The following QTMAN variants were observed in gnomAD, a reference collection of about 807,000 sequenced individuals.
QTMAN encodes the protein tRNA-queuosine alpha-mannosyltransferase.
chr2:143,964,307 T>A, the QTMAN span, among the ~76,000 whole-genome samples: 5 of 152,018 alleles, frequency 3.3e-5, no homozygotes, highest in South Asian at 8.3e-4. Context: ...ATAAAAAAAT[T>A]ATAAGGAAAA....
chr2:144,055,863 T>A, the QTMAN span, among the ~76,000 whole-genome samples: 5 of 152,142 alleles, frequency 3.3e-5, no homozygotes, highest in Non-Finnish European at 5.9e-5. Context: ...ATGAAGTTCA[T>A]CAAGCGGCAA....
the QTMAN span, among the ~76,000 whole-genome samples, chr2:144,022,961 CATTTTTTATGGTCT>C: frequency 6.6e-6 from 1 of 152,100 alleles, no homozygotes; most frequent in South Asian, 2.1e-4. Flanking sequence ...AAAAAATATG[CATTTTTTATGGTCT>C]ATTTTTTATT....
At chr2:144,160,799 T>C in the QTMAN span, among the ~76,000 whole-genome samples, 8 of 152,152 alleles carry the variant, frequency 5.3e-5, no homozygotes, top group African/African-American at 1.9e-4. Context: ...GCTCTCAGAC[T>C]AATTTAAGGC....
chr2:143,953,537 G>C, the QTMAN span, among the ~76,000 whole-genome samples: 1 of 151,842 alleles, frequency 6.6e-6, no homozygotes, highest in Non-Finnish European at 1.5e-5. Context: ...CACTTTGTGA[G>C]AGGATTTCCC....
chr2:144,233,627 C>CT, the QTMAN span, among the ~76,000 whole-genome samples: 1 of 152,138 alleles, frequency 6.6e-6, no homozygotes. Context: ...TTGTGCTAGA[C>CT]TCGCTCAATT....
At chr2:144,100,413 A>G in the QTMAN span, among the ~76,000 whole-genome samples, 1 of 152,228 alleles carries the variant, frequency 6.6e-6, no homozygotes, top group African/African-American at 2.4e-5. Flanking sequence ...ACAGTAAATT[A>G]AGTAACACTA....
the QTMAN span, among the ~76,000 whole-genome samples, chr2:144,025,757 G>C: frequency 1.3e-4 from 20 of 152,170 alleles, 1 homozygote; most frequent in South Asian, 3.1e-3. Context: ...TGACACCTAA[G>C]AGAGGCCCTC....
the QTMAN span, chr2:144,141,826 T>C: frequency 5.3e-6 from 7 of 1,309,858 alleles, no homozygotes; most frequent in Middle Eastern, 1.9e-4. Flanking sequence ...TCAATTTTTA[T>C]ACATTTGAGG....
At chr2:144,220,866 G>C in the QTMAN span, among the ~76,000 whole-genome samples, 1 of 152,180 alleles carries the variant, frequency 6.6e-6, no homozygotes, top group African/African-American at 2.4e-5. Context: ...TAGAATTGAA[G>C]TATCCTATTA....
the QTMAN span, among the ~76,000 whole-genome samples, chr2:144,056,790 G>A: frequency 5.3e-5 from 8 of 152,312 alleles, no homozygotes; most frequent in South Asian, 2.1e-4. Context: ...AAGGAGCTCC[G>A]TGAACCTGGC....
the QTMAN span, among the ~76,000 whole-genome samples, chr2:144,080,031 T>C: frequency 6.6e-6 from 1 of 152,120 alleles, no homozygotes; most frequent in African/African-American, 2.4e-5. Context: ...ATGATGTCAT[T>C]CTTACATTCC....
the QTMAN span, among the ~76,000 whole-genome samples, chr2:144,150,142 G>A: frequency 2.0e-5 from 3 of 152,014 alleles, no homozygotes; most frequent in Admixed American, 6.6e-5. Context: ...ATTTAACACA[G>A]ACACCAGTTT....
At chr2:144,015,690 C>T in the QTMAN span, among the ~76,000 whole-genome samples, 2 of 152,284 alleles carry the variant, frequency 1.3e-5, no homozygotes, top group South Asian at 4.1e-4. Context: ...TCAGGTACCA[C>T]AGTAAGCCTG....
chr2:143,958,192 A>T, the QTMAN span, among the ~76,000 whole-genome samples: 1 of 152,172 alleles, frequency 6.6e-6, no homozygotes, highest in Non-Finnish European at 1.5e-5. Context: ...AATCTGAAAT[A>T]AATATTTCAT....
chr2:144,209,111 G>A, the QTMAN span, among the ~76,000 whole-genome samples: 33 of 152,296 alleles, frequency 2.2e-4, no homozygotes, highest in Non-Finnish European at 3.2e-4. Context: ...CTCACCTGCT[G>A]TGATCACTCA....
chr2:144,312,171 G>C, the QTMAN span, among the ~76,000 whole-genome samples: 1 of 151,390 alleles, frequency 6.6e-6, no homozygotes, highest in Non-Finnish European at 1.5e-5. Context: ...CCTATTGTGG[G>C]AGTTACATTC....
chr2:144,175,703 A>G, the QTMAN span, among the ~76,000 whole-genome samples: 1 of 152,062 alleles, frequency 6.6e-6, no homozygotes, highest in South Asian at 2.1e-4. Context: ...TTGCTCTGTC[A>G]TCCATGCTGG....
the QTMAN span, among the ~76,000 whole-genome samples, chr2:144,046,823 T>G: frequency 6.6e-6 from 1 of 152,228 alleles, no homozygotes; most frequent in Non-Finnish European, 1.5e-5. Context: ...ATATTTAATA[T>G]TTATTTCATT....
At chr2:144,143,408 G>A in the QTMAN span, among the ~76,000 whole-genome samples, 97 of 152,002 alleles carry the variant, frequency 6.4e-4, no homozygotes, top group African/African-American at 2.1e-3. Flanking sequence ...GTAGCCAAAC[G>A]TCAGTTTAGT....
Sources: gnomAD v4.1 joint callset for allele counts (sites outside exome capture counted in the v4.1 genomes callset) on GRCh38, gnomAD v4.1.1 for gene constraint, MANE v1.5 for transcripts, NCBI Gene and HGNC (gene_info 2026-07-23, HGNC 2026-07-21) for gene names.